TCF12: variants seen among roughly 807,000 people sequenced by gnomAD.
The protein encoded by TCF12 is DNA-binding protein HTF4.
Under a neutral mutation model 86.0 loss-of-function variants are expected in TCF12, and 45 were observed. The observed-to-expected ratio is 0.52, with a 90% confidence interval of 0.41 to 0.67. The LOEUF (loss-of-function observed/expected upper bound fraction) is 0.67, where lower values mean the gene tolerates loss of function less well. TCF12 is among the 30% of genes least tolerant of loss of function. The pLI is 0.00. For synonymous variants in TCF12, 330 were observed against 299.6 expected, an observed-to-expected ratio of 1.10 and a Z score of -1.05; for missense variants, 881 against 859.9, an observed-to-expected ratio of 1.02 and a Z score of -0.31.
At chr15:57,269,916 A>C (rs754342107) in intron 18 of TCF12, among the ~76,000 whole-genome samples, 1 of 152,204 alleles carries the variant, frequency 6.6e-6, no homozygotes, top group Non-Finnish European at 1.5e-5. Flanking sequence ...GGGTTTCTGC[A>C]GAGAGATCCA....
At chr15:57,252,635 G>A in intron 15 of TCF12, 143 bp downstream of exon 15, 2 of 662,226 alleles carry the variant, frequency 3.0e-6, no homozygotes, top group South Asian at 4.2e-5. Context: ...CAGTATATAG[G>A]AATAATTTTG....
intron 5 of TCF12, among the ~76,000 whole-genome samples, chr15:57,122,507 C>A (rs1392553305): frequency 6.6e-6 from 1 of 152,150 alleles, no homozygotes; most frequent in East Asian, 1.9e-4. Context: ...GGTATAGAAA[C>A]AAACTTGAGA....
At chr15:57,128,791 G>A (rs1407029257) in intron 5 of TCF12, among the ~76,000 whole-genome samples, 1 of 152,028 alleles carries the variant, frequency 6.6e-6, no homozygotes. Context: ...CATAATATGT[G>A]GTCTTTTGTG....
intron 4 of TCF12, 120 bp from the exon 5 acceptor site, chr15:57,091,669 G>A: frequency 1.8e-6 from 1 of 547,246 alleles, no homozygotes; most frequent in Non-Finnish European, 3.1e-6. Flanking sequence ...TAATGAACAA[G>A]AAACTTGGTC....
At chr15:57,249,966 C>T (rs1206443634) in intron 13 of TCF12, among the ~76,000 whole-genome samples, 1 of 152,112 alleles carries the variant, frequency 6.6e-6, no homozygotes, top group Non-Finnish European at 1.5e-5. Flanking sequence ...TTCTCTCTAA[C>T]ATATGGATGA....
intron 5 of TCF12, among the ~76,000 whole-genome samples, chr15:57,122,786 G>C (rs1365410811): frequency 1.3e-5 from 2 of 152,158 alleles, no homozygotes; most frequent in Non-Finnish European, 2.9e-5. Context: ...GTATTCACTA[G>C]ATCTCTTACA....
intron 6 of TCF12, among the ~76,000 whole-genome samples, chr15:57,170,663 A>AT (rs2055282341): frequency 1.2e-4 from 1 of 8,014 alleles, no homozygotes; most frequent in African/African-American, 1.8e-4. Context: ...TATATAAAAT[A>AT]TATATATATA....
intron 8 of TCF12, among the ~76,000 whole-genome samples, chr15:57,215,825 A>G (rs1414485638): frequency 5.3e-5 from 8 of 152,184 alleles, no homozygotes; most frequent in Non-Finnish European, 1.0e-4. Flanking sequence ...ATATCAGGAT[A>G]AAAATGAGCT....
At chr15:57,093,760 C>T (rs117482124) in intron 5 of TCF12, among the ~76,000 whole-genome samples, 2,236 of 152,138 alleles carry the variant, frequency 0.015, 20 homozygotes, top group Non-Finnish European at 0.024. Context: ...GTCATCCATA[C>T]CCTATGTATA....
At chr15:56,976,614 G>A (rs2062620671) in intron 3 of TCF12, among the ~76,000 whole-genome samples, 1 of 151,894 alleles carries the variant, frequency 6.6e-6, no homozygotes, top group Non-Finnish European at 1.5e-5. Context: ...AATGAATCTA[G>A]GCATTGAGCA....
At chr15:57,187,722 G>T (rs1358103623) in intron 6 of TCF12, among the ~76,000 whole-genome samples, 4 of 152,062 alleles carry the variant, frequency 2.6e-5, no homozygotes, top group African/African-American at 9.7e-5. Flanking sequence ...ATGAGGACAG[G>T]AGTTCAAGAC....
At chr15:57,134,043 G>A (rs1459815717) in intron 5 of TCF12, among the ~76,000 whole-genome samples, 1 of 152,232 alleles carries the variant, frequency 6.6e-6, no homozygotes, top group Admixed American at 6.5e-5. Context: ...CCTCACAAGA[G>A]TGGTGGTTTA....
At chr15:57,179,944 A>G (rs1232368824) in intron 6 of TCF12, among the ~76,000 whole-genome samples, 1 of 152,188 alleles carries the variant, frequency 6.6e-6, no homozygotes, top group Non-Finnish European at 1.5e-5. Context: ...GCCAGTTGCT[A>G]TTGATTACTC....
At chr15:56,955,471 C>T (rs781544600) in intron 3 of TCF12, among the ~76,000 whole-genome samples, 1 of 152,030 alleles carries the variant, frequency 6.6e-6, no homozygotes, top group Non-Finnish European at 1.5e-5. Flanking sequence ...TTGATGGGTG[C>T]AGCAAACCAA....
At chr15:57,178,592 T>C (rs1254268750) in intron 6 of TCF12, among the ~76,000 whole-genome samples, 2 of 152,236 alleles carry the variant, frequency 1.3e-5, no homozygotes, top group African/African-American at 4.8e-5. Context: ...CCTGTTCTTC[T>C]AATGTTAGCA....
At chr15:57,004,363 G>A (rs753527422) in intron 3 of TCF12, among the ~76,000 whole-genome samples, 9 of 151,596 alleles carry the variant, frequency 5.9e-5, no homozygotes, top group Admixed American at 5.3e-4. Flanking sequence ...TCAGCTTCCC[G>A]AGTAGCTGGA....
chr15:56,970,688 A>G (rs1461683062), intron 3 of TCF12, among the ~76,000 whole-genome samples: 1 of 151,784 alleles, frequency 6.6e-6, no homozygotes, highest in Admixed American at 6.6e-5. Flanking sequence ...TGACTATGTA[A>G]AAATTAAAGA....
rs188124372 is a variant in TCF12, at chr15:56,971,383, C to G, written c.148+50285C>G. ...TGGAGGTTGCAGTGAGCCGAGATCA[C>G]GCCACTGGACTACAGCCTGGGTGAC... On this transcript the variant is annotated intron_variant, in intron 3 of 20. Coordinates refer to ENST00000333725, the MANE Select transcript of TCF12 (RefSeq NM_207037.2). Among the ~76,000 whole-genome samples, 195 of 151,980 alleles carry G rather than the reference C, an allele frequency of 1.3e-3. 1 individual carries two copies. The highest frequency in any genetic ancestry group is 4.4e-3 in the African/African-American group (182 of 41,430).
chr15:57,239,515 CAA>C (rs67591734), intron 12 of TCF12, among the ~76,000 whole-genome samples: 11 of 107,128 alleles, frequency 1.0e-4, no homozygotes, highest in Admixed American at 3.2e-4. Flanking sequence ...GACTCCATCT[CAA>C]AAAAAAAAAA....
Sources: allele counts gnomAD v4.1 joint callset (sites outside exome capture counted in the v4.1 genomes callset), GRCh38; gene constraint gnomAD v4.1.1; transcripts MANE v1.5; gene names NCBI Gene and HGNC (gene_info 2026-07-23, HGNC 2026-07-21).